Variants in SLC24A3 observed in about 807,000 individuals in gnomAD.
SLC24A3 encodes sodium/potassium/calcium exchanger 3.
SLC24A3 carries 28 observed loss-of-function variants against 75.8 expected under a neutral mutation model. That is an observed-to-expected ratio of 0.37 (90% CI 0.27 to 0.51). The LOEUF is 0.51. Among genes scored for constraint, SLC24A3 ranks in the 20% least tolerant of loss-of-function variants. SLC24A3 has a pLI of 0.94. For synonymous variants in SLC24A3, 372 were observed against 334.1 expected (o/e 1.11, Z -1.24); for missense variants, 663 against 847.8 (o/e 0.78, Z 2.71).
Position 19,264,741 on chromosome 20 carries a change from A to AAC in SLC24A3, c.143-16217_143-16216insCA, listed in dbSNP as rs1555784827. Among the ~76,000 whole-genome samples the AAC allele has an allele frequency of 1.3e-3, 204 of 151,198 alleles. 2 individuals carry two copies. Among genetic ancestry groups the AAC allele is most frequent in the Non-Finnish European group, 2.6e-3 (174 of 67,710 alleles). The stretch of plus-strand genomic sequence containing the variant: ...GAGACTCCATCTCAAAAAAAAAAAA[A>AAC]AAAACAAAACAAAAACGTGCAGCCT... On this transcript the variant is annotated intron_variant, in intron 1 of 16. Transcript: ENST00000328041.
At position 19,690,470 on chromosome 20, in the gene SLC24A3, A is replaced by G. The variant is rs145523665; in HGVS notation, c.1325-2789A>G. 7.6e-3 allele frequency among the ~76,000 whole-genome samples: 1,159 copies of G among 152,032 alleles called. 20 individuals carry two copies. Among genetic ancestry groups the G allele is most frequent in the South Asian group, 0.059 (285 of 4,808 alleles). On this transcript the variant is annotated intron_variant, in intron 12 of 16. Transcript: ENST00000328041. ...TTTTCTGAAGAATGTGAAAGAGCCAAGTTGGGATCATTTCTCTTCCTCTTC... is the reference window on the plus strand; with the variant it reads ...TTTTCTGAAGAATGTGAAAGAGCCAGGTTGGGATCATTTCTCTTCCTCTTC...
intron 6 of SLC24A3, among the ~76,000 whole-genome samples, chr20:19,598,428 G>T (rs2031478530): frequency 6.6e-6 from 1 of 152,170 alleles, no homozygotes; most frequent in South Asian, 2.1e-4. Flanking sequence ...GTTGCAGTTG[G>T]CTGGGGGCTC....
chr20:19,213,637 A>G (rs963861385), intron 1 of SLC24A3, among the ~76,000 whole-genome samples: 1 of 152,246 alleles, frequency 6.6e-6, no homozygotes, highest in Non-Finnish European at 1.5e-5. Flanking sequence ...CTGCTGTGGA[A>G]GAAATGGTTT....
At chr20:19,256,974 G>A (rs980045825) in intron 1 of SLC24A3, among the ~76,000 whole-genome samples, 4 of 151,988 alleles carry the variant, frequency 2.6e-5, no homozygotes, top group Admixed American at 2.0e-4. Flanking sequence ...TTCATGGCTC[G>A]CATTAGATTT....
chr20:19,562,054 C>A (rs2030882198), intron 3 of SLC24A3, among the ~76,000 whole-genome samples: 1 of 152,172 alleles, frequency 6.6e-6, no homozygotes, highest in Non-Finnish European at 1.5e-5. Context: ...TTATTTCTCT[C>A]ATGCTTCAGC....
intron 2 of SLC24A3, among the ~76,000 whole-genome samples, chr20:19,473,293 T>C (rs185195185): frequency 1.3e-3 from 198 of 152,344 alleles, no homozygotes; most frequent in African/African-American, 4.6e-3. Flanking sequence ...AGATAGAGAT[T>C]ATTTATTTAC....
intron 1 of SLC24A3, among the ~76,000 whole-genome samples, chr20:19,249,639 C>T (rs1000742996): frequency 6.6e-6 from 1 of 152,036 alleles, no homozygotes; most frequent in Admixed American, 6.6e-5. Context: ...ATGGGTTTAT[C>T]GCTGGGAGAC....
intron 16 of SLC24A3, among the ~76,000 whole-genome samples, chr20:19,719,595 T>C (rs1371545449): frequency 5.3e-5 from 8 of 152,010 alleles, no homozygotes; most frequent in Non-Finnish European, 1.0e-4. Flanking sequence ...AGTAGCCGTC[T>C]GGGGAAGGGA....
At chr20:19,403,856 A>G (rs1481639742) in intron 2 of SLC24A3, among the ~76,000 whole-genome samples, 1 of 152,216 alleles carries the variant, frequency 6.6e-6, no homozygotes, top group Non-Finnish European at 1.5e-5. Flanking sequence ...TGGGGCAACA[A>G]AGCCCAGTGG....
At chr20:19,477,796 A>G (rs1224735604) in intron 2 of SLC24A3, among the ~76,000 whole-genome samples, 1 of 152,192 alleles carries the variant, frequency 6.6e-6, no homozygotes, top group Non-Finnish European at 1.5e-5. Context: ...AATATAGTAT[A>G]CACTGTACCT....
chr20:19,302,923 T>TA, intron 2 of SLC24A3, among the ~76,000 whole-genome samples: 2 of 152,324 alleles, frequency 1.3e-5, no homozygotes, highest in East Asian at 3.9e-4. Context: ...CAAGGAAACT[T>TA]AGAGTCATCA....
intron 2 of SLC24A3, among the ~76,000 whole-genome samples, chr20:19,318,929 A>G (rs1012010997): frequency 3.9e-5 from 6 of 152,122 alleles, no homozygotes; most frequent in African/African-American, 1.4e-4. Flanking sequence ...TTGAGATAGC[A>G]TCTTTACTTC....
chr20:19,419,186 C>G (rs1986873948), intron 2 of SLC24A3, among the ~76,000 whole-genome samples: 1 of 152,086 alleles, frequency 6.6e-6, no homozygotes, highest in Non-Finnish European at 1.5e-5. Context: ...TGAACTTCAC[C>G]ACACTGCATC....
intron 2 of SLC24A3, among the ~76,000 whole-genome samples, chr20:19,476,976 G>T (rs964051457): frequency 2.0e-5 from 3 of 152,028 alleles, no homozygotes; most frequent in African/African-American, 4.8e-5. Flanking sequence ...CGTTTTTCTT[G>T]CTGTGGGTAA....
At chr20:19,695,837 T>G (rs968657485) in intron 13 of SLC24A3, 2 of 152,150 alleles carry the variant, frequency 1.3e-5, no homozygotes, top group Non-Finnish European at 2.9e-5. Context: ...TAGCACCCAC[T>G]TATGAGTGAG....
chr20:19,374,237 C>T (rs752377887), intron 2 of SLC24A3, among the ~76,000 whole-genome samples: 16 of 152,254 alleles, frequency 1.1e-4, no homozygotes, highest in Non-Finnish European at 2.1e-4. Context: ...TCAAATATCA[C>T]CACCATCTCA....
chr20:19,366,573 A>G (rs1326851589), intron 2 of SLC24A3, among the ~76,000 whole-genome samples: 1 of 152,194 alleles, frequency 6.6e-6, no homozygotes, highest in Non-Finnish European at 1.5e-5. Flanking sequence ...AAACCACTGC[A>G]GTAATCAAAC....
intron 1 of SLC24A3, among the ~76,000 whole-genome samples, chr20:19,216,107 G>A (rs1981545040): frequency 6.6e-6 from 1 of 152,186 alleles, no homozygotes. Flanking sequence ...ATGAGCTCTA[G>A]TTGCCCTATT....
chr20:19,484,738 A>G (rs1988104801), intron 2 of SLC24A3, among the ~76,000 whole-genome samples: 1 of 152,234 alleles, frequency 6.6e-6, no homozygotes, highest in East Asian at 1.9e-4. Flanking sequence ...GTCTTCCAAG[A>G]TGAAAATGTT....
Sources: gnomAD v4.1 joint callset for allele counts (sites outside exome capture counted in the v4.1 genomes callset) on GRCh38, gnomAD v4.1.1 for gene constraint, MANE v1.5 for transcripts, NCBI Gene and HGNC (gene_info 2026-07-23, HGNC 2026-07-21) for gene names.